CD44: variants seen among roughly 807,000 people sequenced by gnomAD.
CD44 encodes CD44 molecule (IN blood group).
Under a neutral mutation model 88.8 loss-of-function variants are expected in CD44, and 49 were observed. The ratio of observed to expected loss-of-function variants is 0.55; its 90% CI spans 0.44 to 0.70. The LOEUF is 0.70. Ranked by LOEUF, CD44 falls within the 30% of genes least tolerant of loss-of-function variation. The pLI, the probability that CD44 is intolerant of heterozygous loss-of-function variation, is 0.00. For synonymous variants in CD44, 325 were observed against 312.3 expected (o/e 1.04, Z -0.43); for missense variants, 883 against 913.8 (o/e 0.97, Z 0.43).
chr11:35,181,934 AAATT>A (rs1945141244), intron 3 of CD44, among the ~76,000 whole-genome samples: 1 of 66,024 alleles, frequency 1.5e-5, no homozygotes, highest in South Asian at 4.7e-4. Flanking sequence ...TATTATATAT[AAATT>A]ATATATAATA....
chr11:35,197,778 G>C (rs1946905835), intron 6 of CD44: 1 of 194,660 alleles, frequency 5.1e-6, no homozygotes, highest in African/African-American at 2.3e-5. Flanking sequence ...TGATGGCTTG[G>C]CTTTAATGGC....
intron 17 of CD44, among the ~76,000 whole-genome samples, chr11:35,223,610 C>T (rs1002739660): frequency 2.0e-5 from 3 of 152,112 alleles, no homozygotes; most frequent in Admixed American, 1.3e-4. Context: ...CCCTGGCAAC[C>T]GGCAAACAGG....
chr11:35,192,528 G>C (rs1946363343), intron 5 of CD44, among the ~76,000 whole-genome samples: 1 of 152,176 alleles, frequency 6.6e-6, no homozygotes, highest in Admixed American at 6.5e-5. Flanking sequence ...CTGGCTGAGA[G>C]CACAGAAGAA....
chr11:35,155,475 C>A (rs917404239), intron 1 of CD44, among the ~76,000 whole-genome samples: 3 of 152,148 alleles, frequency 2.0e-5, no homozygotes, highest in African/African-American at 7.2e-5. Context: ...AGACATGCCT[C>A]ATGGGTAGAG....
At chr11:35,193,779 G>T (rs1027032228) in intron 5 of CD44, among the ~76,000 whole-genome samples, 3 of 152,092 alleles carry the variant, frequency 2.0e-5, no homozygotes, top group African/African-American at 7.2e-5. Context: ...CTCTAACTTT[G>T]GCAACTCTAG....
intron 1 of CD44, among the ~76,000 whole-genome samples, chr11:35,153,763 C>T (rs1268642795): frequency 1.3e-5 from 2 of 152,152 alleles, no homozygotes; most frequent in Non-Finnish European, 2.9e-5. Context: ...AGGGAGATCT[C>T]ATCTGATTTA....
At chr11:35,179,735 A>C (rs1393733351) in intron 2 of CD44, among the ~76,000 whole-genome samples, 1 of 152,190 alleles carries the variant, frequency 6.6e-6, no homozygotes, top group Non-Finnish European at 1.5e-5. Context: ...TGTTTAGGGC[A>C]ATGGAGTATG....
intron 16 of CD44, among the ~76,000 whole-genome samples, chr11:35,220,338 G>A (rs1949189818): frequency 6.6e-6 from 1 of 151,984 alleles, no homozygotes; most frequent in Non-Finnish European, 1.5e-5. Context: ...GGCAGGAGTA[G>A]AAAGGAAGAA....
chr11:35,186,375 G>T (rs956149618), intron 3 of CD44, among the ~76,000 whole-genome samples: 7 of 152,114 alleles, frequency 4.6e-5, no homozygotes, highest in Non-Finnish European at 1.0e-4. Context: ...CATCATTTCT[G>T]TGGACTTCCC....
chr11:35,190,110 C>T, intron 5 of CD44, 45 bp downstream of exon 5: 1 of 1,508,038 alleles, frequency 6.6e-7, no homozygotes, highest in Non-Finnish European at 9.2e-7. Context: ...AATTCCCTGG[C>T]AAAATGTCTC....
chr11:35,213,795 A>G (rs1948618278), intron 14 of CD44: 1 of 152,086 alleles, frequency 6.6e-6, no homozygotes, highest in East Asian at 1.9e-4. Context: ...ATTTCAGCAA[A>G]TGTTGTTTTC....
intron 1 of CD44, among the ~76,000 whole-genome samples, chr11:35,140,522 G>A (rs1016122198): frequency 7.9e-5 from 12 of 152,176 alleles, no homozygotes; most frequent in African/African-American, 2.9e-4. Flanking sequence ...TGAGTACCCA[G>A]TATAAAGTAT....
chr11:35,146,801 T>C (rs771522188), intron 1 of CD44, among the ~76,000 whole-genome samples: 4 of 152,218 alleles, frequency 2.6e-5, no homozygotes, highest in Non-Finnish European at 5.9e-5. Context: ...AGTACTGTAG[T>C]TGTTTTCAAA....
intron 5 of CD44, among the ~76,000 whole-genome samples, chr11:35,193,154 G>T (rs1375938795): frequency 1.3e-5 from 2 of 152,176 alleles, no homozygotes; most frequent in East Asian, 3.9e-4. Context: ...TTTGCAGCAG[G>T]GGTGTCCAGT....
intron 17 of CD44, among the ~76,000 whole-genome samples, chr11:35,225,586 G>A (rs1167318736): frequency 1.3e-5 from 2 of 152,142 alleles, no homozygotes; most frequent in East Asian, 1.9e-4. Context: ...GGAGGCTGAG[G>A]CAGGCAGATC....
intron 1 of CD44, among the ~76,000 whole-genome samples, chr11:35,153,009 T>C (rs1056025841): frequency 2.0e-5 from 3 of 152,170 alleles, no homozygotes; most frequent in African/African-American, 7.2e-5. Context: ...GAAAGGAAGT[T>C]ATCGTGGTCT....
At chr11:35,197,858 T>C in intron 6 of CD44, 1 of 380,574 alleles carries the variant, frequency 2.6e-6, no homozygotes, top group South Asian at 7.6e-5. Context: ...TTTAAAAACT[T>C]ATATGGTGAG....
chr11:35,222,016 A>C (rs1184058429), intron 17 of CD44, among the ~76,000 whole-genome samples: 1 of 152,202 alleles, frequency 6.6e-6, no homozygotes, highest in East Asian at 1.9e-4. Context: ...CATCACTTTT[A>C]GGTAGTGGTT....
intron 1 of CD44, among the ~76,000 whole-genome samples, chr11:35,140,901 G>T (rs2132938133): frequency 6.6e-6 from 1 of 151,946 alleles, no homozygotes. Flanking sequence ...CACACCTGTA[G>T]TCCCAGCTGC....
Sources: allele counts gnomAD v4.1 joint callset (sites outside exome capture counted in the v4.1 genomes callset), GRCh38; gene constraint gnomAD v4.1.1; transcripts MANE v1.5; gene names NCBI Gene and HGNC (gene_info 2026-07-23, HGNC 2026-07-21).